Variants in FAM13B observed in about 807,000 individuals in gnomAD.
FAM13B encodes family with sequence similarity 13 member B.
A neutral mutation model predicts 117.3 loss-of-function variants in FAM13B; 60 were observed. That is an observed-to-expected ratio of 0.51 (90% CI 0.42 to 0.63). The LOEUF (loss-of-function observed/expected upper bound fraction) is 0.63. Ranked by LOEUF, FAM13B falls within the 30% of genes least tolerant of loss-of-function variation. The pLI is 0.00. For missense variants in FAM13B, 972 were observed against 1,091.9 expected (o/e 0.89, Z 1.55); for synonymous variants, 332 against 356.1 (o/e 0.93, Z 0.76).
chr5:138,033,042 G>A lies in FAM13B; in HGVS notation c.-463C>T, dbSNP rs973387006. 3 of 986,722 alleles carry A rather than the reference G, an allele frequency of 3.0e-6. No individual in the cohort carries two copies. Among genetic ancestry groups the A allele is most frequent in the Non-Finnish European group, 3.6e-6 (3 of 831,214 alleles). 61.1% of individuals were successfully genotyped at this position (986,722 alleles called of 1,614,324 possible). A position where few individuals can be genotyped will look rare whatever the true frequency, so the allele number is the denominator to read the frequency against. Reference sequence around the variant, plus strand: ...TGGCGACAGAGGCGGCGGCTGAGGTGCAGAGCCTCCCTAACGGCGAGCGGG... The same window carrying A: ...TGGCGACAGAGGCGGCGGCTGAGGTACAGAGCCTCCCTAACGGCGAGCGGG... On this transcript the variant is annotated 5_prime_UTR_variant, in exon 1 of 24. Transcript: ENST00000689681.
At chr5:137,951,236 A>AAAAAG (rs1764931258) in intron 17 of FAM13B, among the ~76,000 whole-genome samples, 4 of 133,290 alleles carry the variant, frequency 3.0e-5, no homozygotes, top group Admixed American at 7.5e-5. Context: ...AAAAAAAAGG[A>AAAAAG]GAGAGAGAGA....
intron 10 of FAM13B, among the ~76,000 whole-genome samples, chr5:137,978,302 G>C (rs992674955): frequency 6.6e-6 from 1 of 151,644 alleles, no homozygotes; most frequent in African/African-American, 2.4e-5. Flanking sequence ...TATTTCCTTA[G>C]GAAAGAGTCC....
intron 6 of FAM13B, among the ~76,000 whole-genome samples, chr5:138,008,451 T>C (rs913294881): frequency 6.6e-6 from 1 of 152,098 alleles, no homozygotes; most frequent in African/African-American, 2.4e-5. Flanking sequence ...CGAAATTAAA[T>C]AAAGTATAAT....
chr5:137,991,938 T>C (rs561098615), intron 7 of FAM13B, among the ~76,000 whole-genome samples: 1 of 152,326 alleles, frequency 6.6e-6, no homozygotes, highest in East Asian at 1.9e-4. Context: ...CAACTTTTTT[T>C]TGAGACAGGG....
chr5:137,967,352 G>A (rs759512968), intron 10 of FAM13B, among the ~76,000 whole-genome samples: 4 of 151,808 alleles, frequency 2.6e-5, no homozygotes, highest in East Asian at 3.9e-4. Context: ...GGTGAAACCC[G>A]GTCTCTAGTA....
chr5:138,019,277 A>T, intron 2 of FAM13B, 131 bp from the exon 3 acceptor site: 1 of 736,322 alleles, frequency 1.4e-6, no homozygotes, highest in East Asian at 2.8e-5. Context: ...TAGCAGGCCC[A>T]TAGTGTGTTC....
intron 10 of FAM13B, among the ~76,000 whole-genome samples, chr5:137,978,065 TTTTG>T (rs906861272): frequency 4.3e-4 from 65 of 152,174 alleles, no homozygotes; most frequent in Admixed American, 4.6e-4. Context: ...ATGTTTTGTT[TTTTG>T]TTTTTTGTTT....
chr5:137,948,803 T>C, intron 18 of FAM13B, 152 bp downstream of exon 18: 1 of 632,616 alleles, frequency 1.6e-6, no homozygotes, highest in Non-Finnish European at 2.8e-6. Flanking sequence ...GCACTTCTGT[T>C]ATGCTGATTA....
upstream of FAM13B, among the ~76,000 whole-genome samples, chr5:138,037,432 A>G (rs1791268665): frequency 6.6e-6 from 1 of 150,504 alleles, no homozygotes; most frequent in African/African-American, 2.5e-5. Flanking sequence ...TCTAGATGCC[A>G]GGGAGGACCT....
chr5:137,979,662 T>A (rs1333871898), intron 10 of FAM13B, among the ~76,000 whole-genome samples: 1 of 152,160 alleles, frequency 6.6e-6, no homozygotes, highest in Non-Finnish European at 1.5e-5. Context: ...CTTATACTAT[T>A]CATTTTAGTT....
intron 1 of FAM13B, among the ~76,000 whole-genome samples, chr5:138,044,562 A>C (rs994151859): frequency 6.6e-6 from 1 of 151,940 alleles, no homozygotes; most frequent in Non-Finnish European, 1.5e-5. Context: ...GAAAAAAAAA[A>C]AAAAAACGGA....
intron 1 of FAM13B, among the ~76,000 whole-genome samples, chr5:138,023,423 C>A (rs1187041149): frequency 6.6e-6 from 1 of 152,122 alleles, no homozygotes; most frequent in Non-Finnish European, 1.5e-5. Flanking sequence ...CACCAATTTA[C>A]CCACAGTCCA....
Position 138,011,107 on chromosome 5 carries a change from C to G in FAM13B, c.591G>C (p.Val197=), listed in dbSNP as rs368075484. The part of the protein sequence containing the change: ...DVEDMKEQEI[V]SRIMAGLLEN... ...CCAGAAGTCCAGCCATTATCCTGCTCACTATTTCTTGCTCTTTCATGTCTT... is the reference window on the plus strand; with the variant it reads ...CCAGAAGTCCAGCCATTATCCTGCTGACTATTTCTTGCTCTTTCATGTCTT... Residue 197 remains valine, a synonymous_variant, in exon 6 of 24, where the codon GTG becomes GTC. Coordinates refer to ENST00000689681, the MANE Select transcript of FAM13B (RefSeq NM_001385994.1). 9 of 1,608,014 alleles carry G rather than the reference C, an allele frequency of 5.6e-6. No homozygotes were observed. In the African/African-American group the frequency reaches 1.2e-4, roughly 22 times the overall value.
At chr5:138,050,980 A>G (rs942688329) in intron 1 of FAM13B, among the ~76,000 whole-genome samples, 5 of 152,198 alleles carry the variant, frequency 3.3e-5, no homozygotes, top group African/African-American at 1.2e-4. Flanking sequence ...GGAAAATTCA[A>G]AGATTTAGAA....
At chr5:137,962,588 AT>A (rs956917899) in intron 10 of FAM13B, 119 bp from the exon 11 acceptor site, 13 of 780,916 alleles carry the variant, frequency 1.7e-5, no homozygotes, top group Admixed American at 1.6e-4. Flanking sequence ...ATTAGCTATC[AT>A]TTATAATAGT....
intron 1 of FAM13B, among the ~76,000 whole-genome samples, chr5:138,028,937 C>T (rs1167866956): frequency 6.6e-6 from 1 of 151,912 alleles, no homozygotes; most frequent in Non-Finnish European, 1.5e-5. Context: ...GAGAATCGCT[C>T]GAAGCCAGGA....
At chr5:138,011,544 C>G (rs1051352789) in intron 5 of FAM13B, among the ~76,000 whole-genome samples, 1 of 151,972 alleles carries the variant, frequency 6.6e-6, no homozygotes, top group African/African-American at 2.4e-5. Context: ...CTCAGCCTCC[C>G]GAGCAGCTGG....
intron 10 of FAM13B, among the ~76,000 whole-genome samples, chr5:137,975,820 T>G (rs1773746682): frequency 1.4e-5 from 2 of 144,302 alleles, no homozygotes; most frequent in Non-Finnish European, 1.5e-5. Flanking sequence ...CTACCCTGGG[T>G]TTTTTTTTTT....
chr5:137,974,546 A>C (rs1209934678), intron 10 of FAM13B, among the ~76,000 whole-genome samples: 1 of 150,148 alleles, frequency 6.7e-6, no homozygotes, highest in Non-Finnish European at 1.5e-5. Context: ...CCAGCATGGC[A>C]CATGTATACA....
Sources: allele counts gnomAD v4.1 joint callset (sites outside exome capture counted in the v4.1 genomes callset), GRCh38; gene constraint gnomAD v4.1.1; transcripts MANE v1.5; gene names NCBI Gene and HGNC (gene_info 2026-07-23, HGNC 2026-07-21).